The following BAZ1A variants were observed in gnomAD, a reference collection of about 807,000 sequenced individuals.
BAZ1A encodes bromodomain adjacent to zinc finger domain protein 1A.
In BAZ1A, 50 loss-of-function variants were observed where a neutral mutation model predicts 185.2. That is an observed-to-expected ratio of 0.27 (90% CI 0.22 to 0.34). The LOEUF (loss-of-function observed/expected upper bound fraction) is 0.34. BAZ1A is among the 10% of genes least tolerant of loss of function. The probability of loss-of-function intolerance (pLI) is 1.00; values close to 1 mark genes in which losing one functional copy is unlikely to be tolerated. For missense variants in BAZ1A, 1,356 were observed against 1,839.9 expected (o/e 0.74, Z 4.81); for synonymous variants, 571 against 615.6 (o/e 0.93, Z 1.07).
At chr14:34,851,610 A>G (rs962966000) in intron 3 of BAZ1A, among the ~76,000 whole-genome samples, 2 of 151,684 alleles carry the variant, frequency 1.3e-5, no homozygotes, top group African/African-American at 4.8e-5. Context: ...GTTCCAGTTC[A>G]CCATTCTTCC....
intron 3 of BAZ1A, among the ~76,000 whole-genome samples, chr14:34,839,471 G>A (rs377657229): frequency 4.0e-5 from 6 of 151,406 alleles, no homozygotes; most frequent in African/African-American, 1.5e-4. Flanking sequence ...CCCAGAAGGT[G>A]GAGGCTGAAG....
chr14:34,764,629 A>G, intron 23 of BAZ1A, 78 bp downstream of exon 23: 1 of 1,524,656 alleles, frequency 6.6e-7, no homozygotes, highest in Non-Finnish European at 8.8e-7. Context: ...GACCCTAACT[A>G]TTCCATTTGT....
intron 21 of BAZ1A, 28 bp from the exon 22 acceptor site, chr14:34,765,296 A>G (rs1345522159): frequency 6.2e-7 from 1 of 1,604,636 alleles, no homozygotes. Context: ...AGTGATTACA[A>G]TTTTTTAGGC....
At chr14:34,764,655 A>AAATTG (rs1878698925) in intron 23 of BAZ1A, 52 bp downstream of exon 23, 1 of 1,549,736 alleles carries the variant, frequency 6.5e-7, no homozygotes, top group Non-Finnish European at 8.7e-7. Context: ...AATAGTGGAG[A>AAATTG]AATTGTCTAA....
chr14:34,765,062 C>T lies in BAZ1A; in HGVS notation c.3508G>A (p.Asp1170Asn). 6.2e-7 allele frequency: 1 copy of T among 1,614,196 alleles called. No individual in the cohort carries two copies. The highest frequency in any genetic ancestry group is 8.5e-7 in the Non-Finnish European group (1 of 1,180,028). ...AENMVLCDGCDRGHHTYCVRP... is the reference protein window; with the variant it reads ...AENMVLCDGCNRGHHTYCVRP... ...ACACAGTAGGTATGATGACCCCTAT[C>T]ACAGCCATCACAAAGAACCATGTTT... is the stretch of plus-strand genomic sequence containing the variant. Residue 1170 changes from aspartate to asparagine, a missense_variant, in exon 22 of 27, where the codon GAT (aspartate) becomes AAT (asparagine). By Grantham distance (23) the Asp-to-Asn change is conservative. Around this residue, in one of 7 missense-constraint regions of BAZ1A, gnomAD observed 309 missense variants for 355.3 expected, o/e 0.87. Coordinates refer to ENST00000360310, the MANE Select transcript of BAZ1A (RefSeq NM_013448.3).
chr14:34,765,976 A>C (rs1432988188), intron 21 of BAZ1A, among the ~76,000 whole-genome samples: 1 of 152,164 alleles, frequency 6.6e-6, no homozygotes, highest in Non-Finnish European at 1.5e-5. Context: ...TCCATACATA[A>C]TCTGGTTCTA....
At chr14:34,778,234 C>T (rs766142930) in intron 17 of BAZ1A, among the ~76,000 whole-genome samples, 1 of 152,156 alleles carries the variant, frequency 6.6e-6, no homozygotes, top group African/African-American at 2.4e-5. Flanking sequence ...CCCATTTCCA[C>T]CTAGCTAGAA....
At chr14:34,828,293 CAAAAAAAAAA>C (rs369878009) in intron 3 of BAZ1A, among the ~76,000 whole-genome samples, 17 of 83,542 alleles carry the variant, frequency 2.0e-4, no homozygotes, top group South Asian at 1.9e-3. Flanking sequence ...AACTCCGTCT[CAAAAAAAAAA>C]AAAAAAAAAA....
intron 4 of BAZ1A, among the ~76,000 whole-genome samples, chr14:34,823,450 A>T (rs751387332): frequency 3.3e-5 from 5 of 152,146 alleles, no homozygotes; most frequent in Non-Finnish European, 5.9e-5. Context: ...ACTTGAGGTC[A>T]GGAGTTCGAG....
At chr14:34,777,552 G>A (rs1381351453) in intron 17 of BAZ1A, among the ~76,000 whole-genome samples, 1 of 150,978 alleles carries the variant, frequency 6.6e-6, no homozygotes, top group African/African-American at 2.4e-5. Context: ...GCTGAGGCAT[G>A]AGAATCGCTT....
At chr14:34,845,043 C>A (rs1320380011) in intron 3 of BAZ1A, among the ~76,000 whole-genome samples, 1 of 151,972 alleles carries the variant, frequency 6.6e-6, no homozygotes, top group Non-Finnish European at 1.5e-5. Flanking sequence ...ATAGTTGTGA[C>A]AAAGACCATA....
At chr14:34,831,157 T>C (rs1224014774) in intron 3 of BAZ1A, among the ~76,000 whole-genome samples, 1 of 152,190 alleles carries the variant, frequency 6.6e-6, no homozygotes, top group African/African-American at 2.4e-5. Flanking sequence ...TGATATACTG[T>C]TTGATATCCT....
chr14:34,798,204 G>A (rs1045309271), intron 9 of BAZ1A, among the ~76,000 whole-genome samples: 1 of 152,256 alleles, frequency 6.6e-6, no homozygotes, highest in Admixed American at 6.5e-5. Flanking sequence ...AGCTCAAACT[G>A]GGCGGAGCCC....
chr14:34,803,703 A>T (rs1366309936), intron 6 of BAZ1A, among the ~76,000 whole-genome samples: 1 of 152,218 alleles, frequency 6.6e-6, no homozygotes, highest in African/African-American at 2.4e-5. Flanking sequence ...CTACTGTATT[A>T]ACCTGATAAA....
chr14:34,768,188 T>TA (rs1198657447), intron 21 of BAZ1A, among the ~76,000 whole-genome samples: 2 of 152,260 alleles, frequency 1.3e-5, no homozygotes, highest in East Asian at 3.9e-4. Flanking sequence ...AAAAGGATCT[T>TA]ACTAATATAA....
chr14:34,851,826 C>T (rs1460189889), intron 3 of BAZ1A, among the ~76,000 whole-genome samples: 4 of 151,978 alleles, frequency 2.6e-5, no homozygotes, highest in Non-Finnish European at 5.9e-5. Flanking sequence ...GTTTGCATGG[C>T]GTTCTTAGAA....
At position 34,765,162 on chromosome 14, in the gene BAZ1A, C is replaced by G; in HGVS notation, c.3408G>C (p.Leu1136Phe). Reference sequence around the variant, plus strand: ...ATTTAGACCATATCACGCTACGATCCAAGGTGGATAGGTGAAGAAAAACTT... The same window carrying G: ...ATTTAGACCATATCACGCTACGATCGAAGGTGGATAGGTGAAGAAAAACTT... The part of the protein sequence containing the change: ...LSQVFLHLST[L>F]DRSVIWSKSI... The change falls in exon 22 of 27, where the codon TTG becomes TTC. Residue 1136 changes from leucine (L) to phenylalanine (F), a missense_variant. Physicochemically the swap from Leu to Phe is conservative, Grantham distance 22. Coordinates refer to ENST00000360310, the MANE Select transcript of BAZ1A (RefSeq NM_013448.3). 6.2e-7 allele frequency: 1 copy of G among 1,614,054 alleles called. No homozygotes were observed. Among genetic ancestry groups the G allele is most frequent in the Non-Finnish European group, 8.5e-7 (1 of 1,180,022 alleles).
chr14:34,810,742 G>A (rs1222184572), intron 5 of BAZ1A, among the ~76,000 whole-genome samples, 193 bp downstream of exon 5: 1 of 152,022 alleles, frequency 6.6e-6, no homozygotes, highest in African/African-American at 2.4e-5. Flanking sequence ...TTACAGACAT[G>A]AGCTACTGCA....
Position 34,783,913 on chromosome 14 carries a change from T to G in BAZ1A, c.1846A>C (p.Ile616Leu). The change falls in exon 15 of 27, where the codon ATA (isoleucine) becomes CTA (leucine). Residue 616 changes from isoleucine (I) to leucine (L), a missense_variant. By Grantham distance (5) the Ile-to-Leu change is conservative. Coordinates refer to ENST00000360310, the MANE Select transcript of BAZ1A (RefSeq NM_013448.3). ...YDLTPGEKMK[I>L]LHALCGKLLT... ...AGCTTTCCACAGAGAGCATGGAGTA[T>G]CTTCATTTTTTCTCCTGTCAAAAAT... is the stretch of plus-strand genomic sequence containing the variant. The G allele has an allele frequency of 6.3e-7, 1 of 1,588,788 alleles. No individual in the cohort carries two copies. Among genetic ancestry groups the G allele is most frequent in the Non-Finnish European group, 8.5e-7 (1 of 1,172,030 alleles).
Sources: allele counts gnomAD v4.1 joint callset (sites outside exome capture counted in the v4.1 genomes callset), GRCh38; gene constraint gnomAD v4.1.1; regional missense constraint gnomAD v4.1.1; transcripts MANE v1.5; gene names NCBI Gene and HGNC (gene_info 2026-07-23, HGNC 2026-07-21).